The following WDPCP variants were observed in gnomAD, a reference collection of about 807,000 sequenced individuals.
The protein encoded by WDPCP is WD repeat containing planar cell polarity effector, also known as WD repeat-containing and planar cell polarity effector protein fritz homolog.
Under a neutral mutation model 93.1 loss-of-function variants are expected in WDPCP, and 71 were observed. The ratio of observed to expected loss-of-function variants is 0.76; its 90% CI spans 0.63 to 0.93. The LOEUF is 0.93. Ranked by LOEUF, WDPCP falls within the 40% of genes least tolerant of loss-of-function variation. The probability of loss-of-function intolerance (pLI) is 0.00; values close to 1 mark genes in which losing one functional copy is unlikely to be tolerated. For synonymous variants in WDPCP, 315 were observed against 315.0 expected (o/e 1.00, Z 0.00); for missense variants, 844 against 887.4 (o/e 0.95, Z 0.62).
chr2:63,830,369 C>T (rs139725338), upstream of WDPCP, among the ~76,000 whole-genome samples: 32 of 152,110 alleles, frequency 2.1e-4, no homozygotes, highest in African/African-American at 7.2e-4. Context: ...TAGAACATTT[C>T]TTAAGCAATT....
At chr2:63,638,472 T>C (rs1462650682) in intron 3 of WDPCP, among the ~76,000 whole-genome samples, 1 of 152,100 alleles carries the variant, frequency 6.6e-6, no homozygotes, top group African/African-American at 2.4e-5. Context: ...TTTTATCAAT[T>C]ATACCTCAAT....
At chr2:63,642,640 A>G (rs1242244307) in intron 3 of WDPCP, 2 of 151,828 alleles carry the variant, frequency 1.3e-5, no homozygotes, top group African/African-American at 4.8e-5. Flanking sequence ...TGATTTTTGT[A>G]TGTTGATTTT....
At chr2:63,656,937 T>C (rs1575740183) in intron 2 of WDPCP, among the ~76,000 whole-genome samples, 1 of 152,002 alleles carries the variant, frequency 6.6e-6, no homozygotes. Flanking sequence ...GTGGGGGAAA[T>C]AACCATGAGA....
intron 15 of WDPCP, among the ~76,000 whole-genome samples, chr2:63,171,629 C>T (rs1472186920): frequency 6.6e-6 from 1 of 152,160 alleles, no homozygotes. Flanking sequence ...TTGGCAGTTT[C>T]TTAAAACTAG....
chr2:63,543,858 G>A (rs1358870369), intron 1 of WDPCP, among the ~76,000 whole-genome samples: 1 of 152,018 alleles, frequency 6.6e-6, no homozygotes, highest in Non-Finnish European at 1.5e-5. Context: ...TAGTCAGAGA[G>A]CAATTTAATA....
chr2:63,183,404 A>G (rs183156274), intron 14 of WDPCP, among the ~76,000 whole-genome samples: 3 of 152,150 alleles, frequency 2.0e-5, no homozygotes, highest in Admixed American at 2.0e-4. Context: ...ATTCAGGGAT[A>G]TGTTATCCAA....
chr2:63,698,719 T>G (rs1015464683), intron 2 of WDPCP, among the ~76,000 whole-genome samples: 1 of 152,176 alleles, frequency 6.6e-6, no homozygotes, highest in African/African-American at 2.4e-5. Flanking sequence ...TATCTTCTCG[T>G]GGCCACAGAA....
chr2:63,640,072 G>A (rs1289754717), intron 3 of WDPCP, among the ~76,000 whole-genome samples: 1 of 152,108 alleles, frequency 6.6e-6, no homozygotes, highest in Non-Finnish European at 1.5e-5. Context: ...GCAGTGGCGC[G>A]ATCTCTGCTC....
intron 2 of WDPCP, among the ~76,000 whole-genome samples, chr2:63,786,373 A>T (rs1024609507): frequency 6.6e-6 from 1 of 152,090 alleles, no homozygotes; most frequent in Non-Finnish European, 1.5e-5. Context: ...AATTTTTTTT[A>T]AAAAGTCCCA....
intron 2 of WDPCP, among the ~76,000 whole-genome samples, chr2:63,754,344 C>G (rs1669924953): frequency 6.6e-6 from 1 of 152,218 alleles, no homozygotes; most frequent in South Asian, 2.1e-4. Flanking sequence ...TCAACCACAA[C>G]TCTGATAGTA....
intron 14 of WDPCP, among the ~76,000 whole-genome samples, chr2:63,189,480 C>A (rs1574834524): frequency 6.6e-6 from 1 of 152,238 alleles, no homozygotes; most frequent in African/African-American, 2.4e-5. Context: ...GGTGATTTGT[C>A]TCCATAGAAA....
chr2:63,300,802 G>A (rs997556529), intron 13 of WDPCP, among the ~76,000 whole-genome samples: 4 of 152,208 alleles, frequency 2.6e-5, no homozygotes, highest in African/African-American at 4.8e-5. Context: ...CTTAGCCTTT[G>A]GTCTGAAGAG....
chr2:63,840,786 G>A, the WDPCP span, among the ~76,000 whole-genome samples: 4 of 152,150 alleles, frequency 2.6e-5, no homozygotes, highest in Non-Finnish European at 5.9e-5. Flanking sequence ...CAACGCCGCC[G>A]TAAGTGCTGC....
chr2:63,147,001 AGGTCTAGTTT>A (rs1209669120), intron 17 of WDPCP, among the ~76,000 whole-genome samples: 1 of 152,226 alleles, frequency 6.6e-6, no homozygotes, highest in Non-Finnish European at 1.5e-5. Flanking sequence ...AAGCCTGCAT[AGGTCTAGTTT>A]GGTTCAGTCA....
At chr2:63,446,100 C>A (rs1394979711) in intron 6 of WDPCP, among the ~76,000 whole-genome samples, 4 of 152,138 alleles carry the variant, frequency 2.6e-5, no homozygotes, top group Non-Finnish European at 4.4e-5. Context: ...CAGTTGACTT[C>A]CATGCAATAT....
intron 2 of WDPCP, among the ~76,000 whole-genome samples, chr2:63,694,194 C>T (rs1316199800): frequency 1.3e-5 from 2 of 152,124 alleles, no homozygotes; most frequent in South Asian, 4.1e-4. Context: ...TAAAGGAAAA[C>T]TATTGTCTGA....
chr2:63,193,405 A>C (rs994322052), intron 14 of WDPCP, among the ~76,000 whole-genome samples: 2 of 152,226 alleles, frequency 1.3e-5, no homozygotes, highest in Non-Finnish European at 2.9e-5. Context: ...AAATAGATCA[A>C]GAGAGCAAAC....
intron 9 of WDPCP, among the ~76,000 whole-genome samples, chr2:63,420,119 A>G (rs565482651): frequency 4.6e-5 from 7 of 152,152 alleles, no homozygotes; most frequent in Middle Eastern, 3.4e-3. Flanking sequence ...GGTACACTTT[A>G]TTTTTACTTT....
intron 13 of WDPCP, among the ~76,000 whole-genome samples, chr2:63,297,561 T>C (rs1684966640): frequency 1.3e-5 from 2 of 152,234 alleles, no homozygotes; most frequent in South Asian, 4.2e-4. Context: ...ACAGCAGCAA[T>C]ACAAACTACA....
Sources: allele counts gnomAD v4.1 joint callset (sites outside exome capture counted in the v4.1 genomes callset), GRCh38; gene constraint gnomAD v4.1.1; transcripts MANE v1.5; gene names NCBI Gene and HGNC (gene_info 2026-07-23, HGNC 2026-07-21).